Variants in ABCA4 observed in about 807,000 individuals in gnomAD.
ABCA4 encodes retinal-specific phospholipid-transporting ATPase ABCA4.
ABCA4 carries 196 observed loss-of-function variants against 263.7 expected under a neutral mutation model. The observed-to-expected ratio is 0.74, with a 90% CI of 0.66 to 0.84. The LOEUF is 0.84. ABCA4 is among the 40% of genes least tolerant of loss of function. ABCA4 has a pLI of 0.00. For missense variants in ABCA4, 2,792 were observed against 2,855.1 expected, an observed-to-expected ratio of 0.98 and a Z score of 0.50; for synonymous variants, 1,133 against 1,094.2, an observed-to-expected ratio of 1.04 and a Z score of -0.70.
chr1:94,042,487 T>A (rs1205836728), intron 22 of ABCA4, among the ~76,000 whole-genome samples: 4 of 152,188 alleles, frequency 2.6e-5, no homozygotes, highest in Admixed American at 1.3e-4. Flanking sequence ...TAGAGTAGCA[T>A]CCATTATTCC....
At chr1:94,012,233 C>T (rs757369435) in intron 38 of ABCA4, among the ~76,000 whole-genome samples, 1 of 152,218 alleles carries the variant, frequency 6.6e-6, no homozygotes, top group Non-Finnish European at 1.5e-5. Context: ...CCTTTCTCCC[C>T]ACTCTTTCTG....
At chr1:94,059,879 C>T (rs991063912) in intron 14 of ABCA4, among the ~76,000 whole-genome samples, 1 of 152,200 alleles carries the variant, frequency 6.6e-6, no homozygotes, top group Admixed American at 6.5e-5. Context: ...ATTTCCAAGT[C>T]TAGCTCTCAG....
intron 19 of ABCA4, among the ~76,000 whole-genome samples, chr1:94,046,171 G>A (rs566723545): frequency 2.0e-4 from 31 of 151,692 alleles, no homozygotes; most frequent in African/African-American, 6.8e-4. Context: ...GGCCTGGTGC[G>A]GTCGCTCACG....
At chr1:94,111,377 T>C in intron 3 of ABCA4, 61 bp downstream of exon 3, 1 of 1,595,696 alleles carries the variant, frequency 6.3e-7, no homozygotes, top group East Asian at 2.2e-5. Context: ...CACGTGTGCA[T>C]TTCAGCACGT....
intron 34 of ABCA4, 74 bp downstream of exon 34, chr1:94,021,566 T>C: frequency 6.6e-7 from 1 of 1,511,790 alleles, no homozygotes; most frequent in Non-Finnish European, 9.1e-7. Flanking sequence ...TTAATGAAGG[T>C]AGGAAAGTAA....
intron 8 of ABCA4, among the ~76,000 whole-genome samples, chr1:94,080,185 A>G (rs1228589252): frequency 1.3e-5 from 2 of 152,158 alleles, no homozygotes; most frequent in Non-Finnish European, 2.9e-5. Flanking sequence ...CTTGCGGATC[A>G]TTCTCTTCCT....
chr1:93,994,809 G>A (rs1658953381), intron 49 of ABCA4, among the ~76,000 whole-genome samples: 1 of 152,188 alleles, frequency 6.6e-6, no homozygotes, highest in Non-Finnish European at 1.5e-5. Flanking sequence ...ATTAACTGCT[G>A]TAGATCACAG....
At chr1:94,020,867 TC>T (rs1283922895) in intron 35 of ABCA4, among the ~76,000 whole-genome samples, 1 of 152,250 alleles carries the variant, frequency 6.6e-6, no homozygotes, top group Non-Finnish European at 1.5e-5. Context: ...CTGAGGAAAT[TC>T]CTGGAATCTA....
chr1:93,998,210 G>A lies in ABCA4; in HGVS notation c.6480-100C>T. ...ACTCATCAGAAATTTTGGGGATTAA[G>A]CTCAGCTTGGTGGCTCACACCTGAA... On this transcript the variant is annotated intron_variant, in intron 47 of 49. Coordinates refer to ENST00000370225, the MANE Select transcript of ABCA4 (RefSeq NM_000350.3). 1.4e-5 allele frequency: 21 copies of A among 1,544,486 alleles called. No homozygotes were observed. In the South Asian group the frequency reaches 1.8e-4, roughly 13 times the overall value.
At chr1:93,995,873 A>C (rs991939463) in intron 49 of ABCA4, among the ~76,000 whole-genome samples, 4 of 152,218 alleles carry the variant, frequency 2.6e-5, no homozygotes, top group Non-Finnish European at 5.9e-5. Flanking sequence ...TCCTGATTAC[A>C]ATAGGAACCC....
In ABCA4 at chr1:94,112,020, T is replaced by C. The variant is rs4147876; in HGVS notation, c.161-441A>G. Reference sequence around the variant, plus strand: ...AGGTTATGGGCTCCTCGGGGAGAGGTAAAGAAGAGTCTGATGGACAGGAGG... The same window carrying C: ...AGGTTATGGGCTCCTCGGGGAGAGGCAAAGAAGAGTCTGATGGACAGGAGG... On this transcript the variant is annotated intron_variant, in intron 2 of 49. Coordinates refer to ENST00000370225, the MANE Select transcript of ABCA4 (RefSeq NM_000350.3). Among the ~76,000 whole-genome samples, 820 of 151,866 alleles carry C rather than the reference T, an allele frequency of 5.4e-3. 7 individuals are homozygous for C. Among genetic ancestry groups the C allele is most frequent in the African/African-American group, 0.019 (782 of 41,406 alleles).
intron 38 of ABCA4, among the ~76,000 whole-genome samples, chr1:94,013,344 C>A (rs1659624660): frequency 6.6e-6 from 1 of 152,196 alleles, no homozygotes; most frequent in Non-Finnish European, 1.5e-5. Context: ...GAGTCAGTCT[C>A]AGGGGTCCAC....
intron 43 of ABCA4, among the ~76,000 whole-genome samples, chr1:94,006,674 A>G (rs947220658): frequency 2.6e-5 from 4 of 152,198 alleles, no homozygotes; most frequent in South Asian, 2.1e-4. Flanking sequence ...AGGGCTGGCT[A>G]TGGAGGCCAA....
intron 48 of ABCA4, among the ~76,000 whole-genome samples, chr1:93,997,551 A>T (rs1246065541): frequency 6.6e-6 from 1 of 151,384 alleles, no homozygotes; most frequent in Non-Finnish European, 1.5e-5. Context: ...GTTTCATCGT[A>T]TGTTAATTAC....
At chr1:94,064,147 T>C (rs901903350) in intron 11 of ABCA4, among the ~76,000 whole-genome samples, 13 of 152,220 alleles carry the variant, frequency 8.5e-5, no homozygotes, top group Non-Finnish European at 1.9e-4. Flanking sequence ...AGTCAGATGG[T>C]CTTGTCTTGA....
rs1417221574 is a variant in ABCA4 at position 94,041,158 on chromosome 1, T to C, written c.3522+51A>G. 5 of 1,598,688 alleles carry C rather than the reference T, an allele frequency of 3.1e-6. No homozygotes were observed. In the South Asian group the frequency reaches 5.5e-5, roughly 18 times the overall value. ...CATGTCTGGAGTGGCAGCCCCGTGC[T>C]GTGTGCTCCTTCTCACCCAGGCCAG... is the stretch of plus-strand genomic sequence containing the variant. On this transcript the variant is annotated intron_variant, in intron 23 of 49. Coordinates refer to ENST00000370225, the MANE Select transcript of ABCA4 (RefSeq NM_000350.3).
At chr1:94,010,355 C>G (rs1659511713) in intron 40 of ABCA4, among the ~76,000 whole-genome samples, 2 of 152,182 alleles carry the variant, frequency 1.3e-5, no homozygotes, top group South Asian at 4.1e-4. Flanking sequence ...GTCGTGATCA[C>G]TGCCCGCACC....
intron 12 of ABCA4, 149 bp from the exon 13 acceptor site, chr1:94,062,902 T>G: frequency 9.2e-7 from 1 of 1,082,102 alleles, no homozygotes; most frequent in Non-Finnish European, 1.4e-6. Flanking sequence ...AGTCCTCAGT[T>G]TAAATCTCAG....
At chr1:94,082,437 A>C (rs551753536) in intron 7 of ABCA4, among the ~76,000 whole-genome samples, 1 of 152,190 alleles carries the variant, frequency 6.6e-6, no homozygotes. Flanking sequence ...ACCTTATTGT[A>C]GTGATATAAA....
Sources: allele counts gnomAD v4.1 joint callset (sites outside exome capture counted in the v4.1 genomes callset), GRCh38; gene constraint gnomAD v4.1.1; transcripts MANE v1.5; gene names NCBI Gene and HGNC (gene_info 2026-07-23, HGNC 2026-07-21).